The following ARHGAP35 variants were observed in gnomAD, a reference collection of about 807,000 sequenced individuals.
ARHGAP35 encodes rho GTPase-activating protein 35.
Under a neutral mutation model 111.1 loss-of-function variants are expected in ARHGAP35, and 15 were observed. The observed-to-expected ratio is 0.13, with a 90% CI of 0.09 to 0.21. The LOEUF (loss-of-function observed/expected upper bound fraction) is 0.21. ARHGAP35 is among the 10% of genes least tolerant of loss of function. The probability of loss-of-function intolerance (pLI) is 1.00; values close to 1 mark genes in which losing one functional copy is unlikely to be tolerated. For synonymous variants in ARHGAP35, 643 were observed against 710.3 expected (o/e 0.91, Z 1.51); for missense variants, 1,262 against 1,873.0 (o/e 0.67, Z 6.02).
At chr19:46,997,975 A>G (rs531149700) in intron 5 of ARHGAP35, among the ~76,000 whole-genome samples, 2 of 151,878 alleles carry the variant, frequency 1.3e-5, no homozygotes, top group Admixed American at 6.6e-5. Flanking sequence ...GGTGGCGGGC[A>G]CCTGTAATCC....
intron 2 of ARHGAP35, among the ~76,000 whole-genome samples, chr19:46,935,281 G>A (rs1405834740): frequency 6.6e-6 from 1 of 152,140 alleles, no homozygotes; most frequent in Non-Finnish European, 1.5e-5. Context: ...TCACATTATA[G>A]CATTCTCCAT....
chr19:46,924,843 A>G (rs1460888342), intron 2 of ARHGAP35, among the ~76,000 whole-genome samples: 1 of 152,196 alleles, frequency 6.6e-6, no homozygotes, highest in Non-Finnish European at 1.5e-5. Flanking sequence ...AATTATAACT[A>G]TATTCTGACT....
rs544868173 is a variant in ARHGAP35 at position 46,869,037 on chromosome 19, C to T, written c.-189+7828C>T. ...TCTCCTGCTTCAGCCTCCGAAGTAG[C>T]TGGGATTACAGGCACTTGCCACCAC... is the stretch of plus-strand genomic sequence containing the variant. On this transcript the variant is annotated intron_variant, in intron 1 of 6. Coordinates refer to ENST00000672722, the MANE Select transcript of ARHGAP35 (RefSeq NM_004491.5). Among the ~76,000 whole-genome samples the T allele has an allele frequency of 3.3e-5, 5 of 150,522 alleles. No individual in the cohort carries two copies. The South Asian group carries it at 1.1e-3, about 32-fold the overall frequency.
At chr19:46,885,521 C>T (rs1240035527) in intron 1 of ARHGAP35, among the ~76,000 whole-genome samples, 1 of 152,122 alleles carries the variant, frequency 6.6e-6, no homozygotes, top group South Asian at 2.1e-4. Context: ...CTCTTCTGCC[C>T]ACCTCCCTCC....
At chr19:46,892,026 A>C (rs7258095) in intron 1 of ARHGAP35, among the ~76,000 whole-genome samples, 92,796 of 147,048 alleles carry the variant, frequency 0.63, 29,775 homozygotes, top group Middle Eastern at 0.79. Flanking sequence ...GTGACTCACA[A>C]CCGTAATCCC....
intron 5 of ARHGAP35, among the ~76,000 whole-genome samples, chr19:46,995,860 T>G (rs778188131): frequency 2.6e-5 from 4 of 152,014 alleles, no homozygotes; most frequent in Non-Finnish European, 5.9e-5. Context: ...TGGGGCTGAG[T>G]CAAAGGATGT....
At chr19:46,958,386 A>G (rs78024993) in intron 3 of ARHGAP35, among the ~76,000 whole-genome samples, 1 of 146,928 alleles carries the variant, frequency 6.8e-6, no homozygotes, top group Non-Finnish European at 1.5e-5. Context: ...CTCCGTCTCA[A>G]AAAAAAAAAA....
intron 3 of ARHGAP35, among the ~76,000 whole-genome samples, chr19:46,951,170 GGTAAATGA>G (rs540581987): frequency 2.6e-3 from 393 of 152,338 alleles, no homozygotes; most frequent in African/African-American, 9.1e-3. Context: ...CATTTGCCTG[GGTAAATGA>G]GTAGAGTGCT....
At chr19:46,981,242 A>C (rs563107599) in intron 3 of ARHGAP35, among the ~76,000 whole-genome samples, 7 of 152,388 alleles carry the variant, frequency 4.6e-5, no homozygotes, top group Admixed American at 3.3e-4. Flanking sequence ...GTGTAAAAGA[A>C]AAAGGGAATG....
Position 46,921,023 on chromosome 19 carries a change from G to T in ARHGAP35, c.2348G>T (p.Arg783Leu). 6.2e-7 allele frequency: 1 copy of T among 1,613,998 alleles called. No homozygotes were observed. Residue 783 changes from arginine (R) to leucine (L), a missense_variant, in exon 2 of 7, where the codon CGA (arginine) becomes CTA (leucine). Physicochemically the swap from Arg to Leu is moderately radical, Grantham distance 102. Around this residue, in one of 8 missense-constraint regions of ARHGAP35, gnomAD observed 579 missense variants for 716.9 expected, o/e 0.81. Coordinates refer to ENST00000672722, the MANE Select transcript of ARHGAP35 (RefSeq NM_004491.5). This position sits in a 1 kb window ranked among gnomAD's most constrained non-coding sequence, Gnocchi z 4.3. Reference protein sequence around the residue: ...SIKDLADVDLRIVMCLMCGDP... With the variant: ...SIKDLADVDLLIVMCLMCGDP... The stretch of plus-strand genomic sequence containing the variant: ...AAAGATTTGGCTGATGTTGATCTGC[G>T]AATTGTTATGTGTCTGATGTGTGGA...
rs762854468 is a variant in ARHGAP35 at position 46,920,061 on chromosome 19, G to A, written c.1386G>A (p.Glu462=). The change falls in exon 2 of 7, where the codon GAG becomes GAA. Residue 462 remains glutamate (E), a synonymous_variant. Coordinates refer to ENST00000672722, the MANE Select transcript of ARHGAP35 (RefSeq NM_004491.5). This position sits in a 1 kb window ranked among gnomAD's most constrained non-coding sequence, Gnocchi z 7.0. ...WEEARSFIMN[E]DFYQWLEESV... ...AGGCCCGTAGTTTTATTATGAATGA[G>A]GATTTCTACCAGTGGCTGGAGGAAT... The A allele has an allele frequency of 9.9e-6, 16 of 1,613,456 alleles. No homozygotes were observed.
intron 3 of ARHGAP35, among the ~76,000 whole-genome samples, chr19:46,960,302 C>T (rs1034451095): frequency 6.6e-6 from 1 of 152,038 alleles, no homozygotes. Flanking sequence ...TGCTAAGAAA[C>T]AAAAGGAATA....
At chr19:46,931,198 A>G (rs1172921111) in intron 2 of ARHGAP35, among the ~76,000 whole-genome samples, 1 of 152,202 alleles carries the variant, frequency 6.6e-6, no homozygotes, top group Non-Finnish European at 1.5e-5. Flanking sequence ...TCTCAGCTCA[A>G]TTTGAGAAAA....
Position 46,901,316 on chromosome 19 carries a change from G to T in ARHGAP35, c.-188-17172G>T, listed in dbSNP as rs761851976. ...CTCACCCCTGTAATCCCAGCACTTC[G>T]GGAGGCCGAGGCAGGTGGATCACTT... On this transcript the variant is annotated intron_variant, in intron 1 of 6. Coordinates refer to ENST00000672722, the MANE Select transcript of ARHGAP35 (RefSeq NM_004491.5). The surrounding 1 kb of genome is among the most constrained non-coding windows in gnomAD (Gnocchi z 4.5). Among the ~76,000 whole-genome samples the T allele has an allele frequency of 5.3e-5, 8 of 152,194 alleles. No individual in the cohort carries two copies. Among genetic ancestry groups the T allele is most frequent in the Non-Finnish European group, 1.2e-4 (8 of 68,030 alleles).
Position 46,920,592 on chromosome 19 carries a change from A to C in ARHGAP35, c.1917A>C (p.Pro639=), listed in dbSNP as rs1462052411. The C allele has an allele frequency of 6.2e-7, 1 of 1,614,042 alleles. No homozygotes were observed. The highest frequency in any genetic ancestry group is 1.7e-5 in the Admixed American group (1 of 60,026). The part of the protein sequence containing the change: ...DGKMYELSLR[P]IEGNVRLPVN... ...AAATGTATGAGCTTTCCCTGAGGCC[A>C]ATAGAGGGGAATGTCAGGCTTCCTG... Residue 639 remains proline, a synonymous_variant, in exon 2 of 7, where the codon CCA becomes CCC. Transcript: ENST00000672722. This position sits in a 1 kb window ranked among gnomAD's most constrained non-coding sequence, Gnocchi z 7.0.
chr19:46,912,862 G>A (rs1015338091), intron 1 of ARHGAP35, among the ~76,000 whole-genome samples: 10 of 151,532 alleles, frequency 6.6e-5, no homozygotes, highest in Admixed American at 1.3e-4. Flanking sequence ...GCTGCTAATG[G>A]GAACTCATAG....
intron 3 of ARHGAP35, among the ~76,000 whole-genome samples, chr19:46,954,759 A>G (rs2122253941): frequency 6.6e-6 from 1 of 152,354 alleles, no homozygotes; most frequent in South Asian, 2.1e-4. Flanking sequence ...GTAAGCTGCA[A>G]TTTGGTTGAA....
chr19:46,892,762 A>C (rs1297895728), intron 1 of ARHGAP35, among the ~76,000 whole-genome samples: 1 of 151,188 alleles, frequency 6.6e-6, no homozygotes, highest in African/African-American at 2.4e-5. Context: ...TTGTCCTCAT[A>C]GTTCTTTCCA....
At chr19:46,861,937 C>G (rs1433531617) in intron 1 of ARHGAP35, among the ~76,000 whole-genome samples, 1 of 152,086 alleles carries the variant, frequency 6.6e-6, no homozygotes, top group South Asian at 2.1e-4. Context: ...CTTGTCTGCC[C>G]TCTCGCAGAG....
Sources: allele counts gnomAD v4.1 joint callset (sites outside exome capture counted in the v4.1 genomes callset), GRCh38; gene constraint gnomAD v4.1.1; regional missense constraint gnomAD v4.1.1; non-coding constraint Gnocchi (gnomAD v3.1); transcripts MANE v1.5; gene names NCBI Gene and HGNC (gene_info 2026-07-23, HGNC 2026-07-21).